Variants in IRAK2 observed in about 807,000 individuals in gnomAD.
IRAK2 encodes interleukin 1 receptor associated kinase 2.
Under a neutral mutation model 72.0 loss-of-function variants are expected in IRAK2, and 57 were observed. That is an observed-to-expected ratio of 0.79 (90% confidence interval 0.64 to 0.99). The LOEUF is 0.99. Among genes scored for constraint, IRAK2 ranks in the 50% least tolerant of loss-of-function variants. IRAK2 has a pLI of 0.00. For missense variants in IRAK2, 790 were observed against 794.4 expected (o/e 0.99, Z 0.07); for synonymous variants, 293 against 312.7 (o/e 0.94, Z 0.67).
At chr3:10,182,808 T>C (rs1313023696) in intron 2 of IRAK2, among the ~76,000 whole-genome samples, 2 of 151,844 alleles carry the variant, frequency 1.3e-5, no homozygotes, top group Admixed American at 1.3e-4. Flanking sequence ...TCTCTTTCTG[T>C]CACTGAGGCT....
chr3:10,184,026 A>G (rs1697005058), intron 2 of IRAK2, among the ~76,000 whole-genome samples: 1 of 152,074 alleles, frequency 6.6e-6, no homozygotes, highest in South Asian at 2.1e-4. Context: ...TTTCTTCTTT[A>G]CTGTTCTGCC....
intron 9 of IRAK2, among the ~76,000 whole-genome samples, chr3:10,223,421 C>A (rs1381148813): frequency 6.6e-6 from 1 of 152,128 alleles, no homozygotes; most frequent in Non-Finnish European, 1.5e-5. Context: ...CACAGTCCCT[C>A]CCCTCAGGAG....
At chr3:10,183,260 A>G (rs908804792) in intron 2 of IRAK2, among the ~76,000 whole-genome samples, 6 of 152,124 alleles carry the variant, frequency 3.9e-5, no homozygotes, top group Admixed American at 3.9e-4. Flanking sequence ...ACAGGGGCCC[A>G]CTGGGGGCCA....
In IRAK2 at chr3:10,210,170, C is replaced by T. The variant is rs1475232369; in HGVS notation, c.528+478C>T. Among the ~76,000 whole-genome samples the T allele has an allele frequency of 2.0e-5, 3 of 152,184 alleles. No homozygotes were observed. In the South Asian group the frequency reaches 6.2e-4, roughly 32 times the overall value. On this transcript the variant is annotated intron_variant, in intron 4 of 12. Coordinates refer to ENST00000256458, the MANE Select transcript of IRAK2 (RefSeq NM_001570.4). Reference sequence around the variant, plus strand: ...TCCTGACGTCAGGTGATCCACCTGCCTCCGCCTCCCAAAGTGCTTGGATTA... The same window carrying T: ...TCCTGACGTCAGGTGATCCACCTGCTTCCGCCTCCCAAAGTGCTTGGATTA...
intron 6 of IRAK2, among the ~76,000 whole-genome samples, chr3:10,216,476 AGGAG>A (rs1344377020): frequency 6.6e-6 from 1 of 152,112 alleles, no homozygotes; most frequent in African/African-American, 2.4e-5. Flanking sequence ...AAGGCAAAGG[AGGAG>A]GGTCTTAGTG....
chr3:10,231,465 G>A (rs1164986306), intron 10 of IRAK2, among the ~76,000 whole-genome samples: 2 of 151,608 alleles, frequency 1.3e-5, no homozygotes, highest in Non-Finnish European at 2.9e-5. Flanking sequence ...GATAATTTTT[G>A]TATTTTTAAT....
intron 3 of IRAK2, among the ~76,000 whole-genome samples, chr3:10,206,906 G>T (rs937771414): frequency 2.6e-5 from 4 of 151,292 alleles, no homozygotes; most frequent in African/African-American, 7.3e-5. Flanking sequence ...CCAGGCTGGA[G>T]TGCAGTGGCA....
intron 3 of IRAK2, among the ~76,000 whole-genome samples, chr3:10,203,163 AT>A (rs918107255): frequency 2.0e-5 from 3 of 150,270 alleles, no homozygotes; most frequent in African/African-American, 7.4e-5. Flanking sequence ...CGTCTGACTG[AT>A]TTTTGTATTT....
chr3:10,182,573 G>A (rs1443429478), intron 2 of IRAK2, among the ~76,000 whole-genome samples: 3 of 151,324 alleles, frequency 2.0e-5, no homozygotes, highest in East Asian at 2.0e-4. Context: ...GAGCCACTGC[G>A]CCCGGCCTTG....
chr3:10,180,118 T>C (rs1407170121), intron 2 of IRAK2, among the ~76,000 whole-genome samples: 1 of 152,192 alleles, frequency 6.6e-6, no homozygotes, highest in Non-Finnish European at 1.5e-5. Flanking sequence ...GGCTGTGAAG[T>C]CGAAGAGAAT....
chr3:10,235,722 C>T (rs994024442), intron 11 of IRAK2, among the ~76,000 whole-genome samples: 2 of 152,134 alleles, frequency 1.3e-5, no homozygotes, highest in Admixed American at 1.3e-4. Context: ...TCTTCAATAA[C>T]CACTGCTGTA....
At chr3:10,165,426 T>TG (rs34151182) in intron 1 of IRAK2, among the ~76,000 whole-genome samples, 31 of 151,218 alleles carry the variant, frequency 2.1e-4, no homozygotes, top group East Asian at 4.0e-4. Flanking sequence ...TGTCACTTCT[T>TG]GGGGGGGTGT....
intron 10 of IRAK2, among the ~76,000 whole-genome samples, chr3:10,230,748 TTTTA>T (rs1256784298): frequency 6.6e-6 from 1 of 151,732 alleles, no homozygotes; most frequent in South Asian, 2.1e-4. Flanking sequence ...TTTATTTTTA[TTTTA>T]TTTATTTATT....
chr3:10,210,655 G>A (rs1350051996), intron 4 of IRAK2, among the ~76,000 whole-genome samples: 1 of 152,058 alleles, frequency 6.6e-6, no homozygotes, highest in African/African-American at 2.4e-5. Context: ...GGGAGGCTGA[G>A]GTGGGAGGAT....
intron 1 of IRAK2, among the ~76,000 whole-genome samples, chr3:10,174,310 C>T (rs1396027165): frequency 6.6e-6 from 1 of 152,100 alleles, no homozygotes; most frequent in East Asian, 1.9e-4. Context: ...AGACTGTCAC[C>T]AGCCCATTTT....
chr3:10,220,200 T>C (rs1697666923), intron 8 of IRAK2, among the ~76,000 whole-genome samples: 1 of 152,160 alleles, frequency 6.6e-6, no homozygotes, highest in Non-Finnish European at 1.5e-5. Flanking sequence ...CCCCTTCTTG[T>C]GTAGCTGTTG....
chr3:10,175,496 G>T (rs1696859152), intron 1 of IRAK2, among the ~76,000 whole-genome samples: 1 of 152,180 alleles, frequency 6.6e-6, no homozygotes, highest in South Asian at 2.1e-4. Context: ...GCTCACACCT[G>T]CAATCCCAGC....
intron 2 of IRAK2, among the ~76,000 whole-genome samples, chr3:10,184,146 C>A (rs1399135016): frequency 6.6e-6 from 1 of 152,206 alleles, no homozygotes; most frequent in Non-Finnish European, 1.5e-5. Context: ...CACTCCACTT[C>A]TTTTAAGGAC....
In IRAK2 at chr3:10,226,945, C is replaced by CA. The variant is rs200295331; in HGVS notation, c.1272+532dup. Among the ~76,000 whole-genome samples, 267 of 96,654 alleles carry CA rather than the reference C, an allele frequency of 2.8e-3. 1 individual carries two copies. Among genetic ancestry groups the CA allele is most frequent in the Middle Eastern group, 4.6e-3 (1 of 216 alleles). 63.4% of individuals were successfully genotyped at this position (96,654 alleles called of 152,430 possible). The stretch of plus-strand genomic sequence containing the variant: ...TGGGTGACAGAGCGAGACTCCATCT[C>CA]AAAAAAAAAAAAAAAAAAAAGATTT... On this transcript the variant is annotated intron_variant, in intron 10 of 12. Transcript: ENST00000256458.
Sources: gnomAD v4.1 joint callset for allele counts (sites outside exome capture counted in the v4.1 genomes callset) on GRCh38, gnomAD v4.1.1 for gene constraint, MANE v1.5 for transcripts, NCBI Gene and HGNC (gene_info 2026-07-23, HGNC 2026-07-21) for gene names.